Variants in WARS2 observed in about 807,000 individuals in gnomAD.
WARS2 encodes the protein tryptophanyl tRNA synthetase 2, mitochondrial.
Under a neutral mutation model 36.5 loss-of-function variants are expected in WARS2, and 28 were observed. The observed-to-expected ratio is 0.77, with a 90% CI of 0.57 to 1.05. WARS2 has a LOEUF of 1.05. Among genes scored for constraint, WARS2 ranks in the 50% least tolerant of loss-of-function variants. The pLI, the probability that WARS2 is intolerant of heterozygous loss-of-function variation, is 0.00. For synonymous variants in WARS2, 174 were observed against 178.4 expected (o/e 0.98, Z 0.20); for missense variants, 435 against 456.8 (o/e 0.95, Z 0.44).
intron 2 of WARS2, 89 bp downstream of exon 2, chr1:119,076,261 A>T (rs1174543284): frequency 7.4e-6 from 11 of 1,492,628 alleles, no homozygotes; most frequent in Non-Finnish European, 9.9e-6. Context: ...TTTAAAAATC[A>T]CGAGCAGGGG....
At chr1:119,089,511 G>A (rs753133903) in intron 1 of WARS2, among the ~76,000 whole-genome samples, 13 of 152,204 alleles carry the variant, frequency 8.5e-5, no homozygotes, top group Non-Finnish European at 1.8e-4. Flanking sequence ...ATGTGGCGTT[G>A]AACATGTACA....
intron 1 of WARS2, among the ~76,000 whole-genome samples, chr1:119,110,128 T>G (rs1280880578): frequency 6.6e-6 from 1 of 152,046 alleles, no homozygotes; most frequent in Non-Finnish European, 1.5e-5. Flanking sequence ...AATACATTGT[T>G]GCTATAATTA....
rs1402525506 is a variant in WARS2, at chr1:119,085,721, T to C, written c.91-9114A>G. 4 of 1,544,070 alleles carry C rather than the reference T, an allele frequency of 2.6e-6. No homozygotes were observed. The East Asian group carries it at 9.0e-5, about 35-fold the overall frequency. Reference sequence around the variant, plus strand: ...GGTCTTCATAGCAGAGGAAACAGAATCCTTTGGATTTCCCAGTCTTCTTGT... The same window carrying C: ...GGTCTTCATAGCAGAGGAAACAGAACCCTTTGGATTTCCCAGTCTTCTTGT... On this transcript the variant is annotated intron_variant, in intron 1 of 5. Coordinates refer to ENST00000235521, the MANE Select transcript of WARS2 (RefSeq NM_015836.4).
chr1:119,082,065 C>T (rs1347374768), intron 1 of WARS2, among the ~76,000 whole-genome samples: 1 of 152,014 alleles, frequency 6.6e-6, no homozygotes, highest in African/African-American at 2.4e-5. Context: ...AAAGAAGGTC[C>T]TACATCACCT....
At chr1:119,140,220 C>T (rs1301621012) in intron 1 of WARS2, 1 of 235,560 alleles carries the variant, frequency 4.2e-6, no homozygotes. Context: ...GAAGAGCAGT[C>T]TCTAAAACAA....
At chr1:119,070,535 G>A in intron 2 of WARS2, among the ~76,000 whole-genome samples, 1 of 151,930 alleles carries the variant, frequency 6.6e-6, no homozygotes, top group East Asian at 2.0e-4. Flanking sequence ...CCAAAGTGCT[G>A]GTATTACAGG....
intron 1 of WARS2, chr1:119,085,948 G>T (rs1021671829): frequency 1.2e-6 from 2 of 1,610,330 alleles, no homozygotes; most frequent in Middle Eastern, 4.5e-4. Flanking sequence ...TTAGTTAAAG[G>T]GTTCATCTCC....
chr1:119,133,350 T>C (rs1167962065), intron 1 of WARS2, among the ~76,000 whole-genome samples: 4 of 152,236 alleles, frequency 2.6e-5, no homozygotes, highest in African/African-American at 9.6e-5. Flanking sequence ...GTGACTTTCA[T>C]AGAACAGATT....
At chr1:119,044,061 C>T (rs1446003926) in intron 3 of WARS2, among the ~76,000 whole-genome samples, 2 of 152,170 alleles carry the variant, frequency 1.3e-5, no homozygotes, top group Non-Finnish European at 2.9e-5. Flanking sequence ...CTATAAGTCT[C>T]ACGAAGGGGG....
Position 119,033,089 on chromosome 1 carries a change from T to G in WARS2, c.905A>C (p.Tyr302Ser). 1 of 1,614,248 alleles carries G rather than the reference T, an allele frequency of 6.2e-7. No homozygotes were observed. Among genetic ancestry groups the G allele is most frequent in the East Asian group, 2.2e-5 (1 of 44,884 alleles). Residue 302 changes from tyrosine (Y) to serine (S), a missense_variant, in exon 6 of 6, where the codon TAC (tyrosine) becomes TCC (serine). Transcript: ENST00000235521. ...CACAGCATCTGCCACGGCCAGCTTG[T>G]AGCGAGCAGTGTTCATGCCCGCGCT... ...RRSAGMNTAR[Y>S]KLAVADAVIE... is the part of the protein sequence containing the mutation.
intron 1 of WARS2, among the ~76,000 whole-genome samples, chr1:119,123,038 C>T (rs1317965563): frequency 4.6e-5 from 7 of 152,104 alleles, no homozygotes; most frequent in African/African-American, 4.8e-5. Context: ...AATGCATATA[C>T]GCATTTTTCA....
chr1:119,098,254 A>G (rs1279412081), intron 1 of WARS2, among the ~76,000 whole-genome samples: 2 of 152,106 alleles, frequency 1.3e-5, no homozygotes, highest in African/African-American at 4.8e-5. Context: ...GTCTCAAAAC[A>G]AAACAAAACA....
At position 119,117,240 on chromosome 1, in the gene WARS2, C is replaced by T. The variant is rs1022010737; in HGVS notation, c.90+23315G>A. Among the ~76,000 whole-genome samples, 3 of 152,072 alleles carry T rather than the reference C, an allele frequency of 2.0e-5. No individual in the cohort carries two copies. In the South Asian group the frequency reaches 6.2e-4, roughly 32 times the overall value. ...GAACATAACTCAATGGGCCTGAGAA[C>T]CACCCCTCCATCCCCCATAGTGGCT... On this transcript the variant is annotated intron_variant, in intron 1 of 5. Coordinates refer to ENST00000235521, the MANE Select transcript of WARS2 (RefSeq NM_015836.4).
chr1:119,112,160 G>T (rs1300034691), intron 1 of WARS2, among the ~76,000 whole-genome samples: 1 of 152,224 alleles, frequency 6.6e-6, no homozygotes, highest in South Asian at 2.1e-4. Context: ...GACCTCAGGT[G>T]ATCTGGCCGC....
At chr1:119,059,833 G>T (rs1042424462) in intron 2 of WARS2, among the ~76,000 whole-genome samples, 1 of 152,160 alleles carries the variant, frequency 6.6e-6, no homozygotes, top group African/African-American at 2.4e-5. Context: ...ACTAACACAG[G>T]AACAGAAAGC....
chr1:119,129,448 C>T (rs1191351495), intron 1 of WARS2, among the ~76,000 whole-genome samples: 2 of 152,178 alleles, frequency 1.3e-5, no homozygotes, highest in African/African-American at 2.4e-5. Flanking sequence ...GTGGTTCACA[C>T]CTGTAATCTC....
At chr1:119,123,672 T>A (rs988932895) in intron 1 of WARS2, among the ~76,000 whole-genome samples, 1 of 152,174 alleles carries the variant, frequency 6.6e-6, no homozygotes, top group African/African-American at 2.4e-5. Flanking sequence ...TCCAGCATGT[T>A]ACCACTTCCT....
chr1:119,090,981 A>G (rs1653005496), intron 1 of WARS2, among the ~76,000 whole-genome samples: 1 of 152,190 alleles, frequency 6.6e-6, no homozygotes, highest in African/African-American at 2.4e-5. Context: ...TACTAACAGG[A>G]ATGTTGGTTA....
chr1:119,109,941 T>A (rs993917973), intron 1 of WARS2, among the ~76,000 whole-genome samples: 2 of 151,918 alleles, frequency 1.3e-5, no homozygotes, highest in African/African-American at 4.8e-5. Flanking sequence ...CTTTGCACCA[T>A]ACATTTACCA....
Sources: allele counts gnomAD v4.1 joint callset (sites outside exome capture counted in the v4.1 genomes callset), GRCh38; gene constraint gnomAD v4.1.1; transcripts MANE v1.5; gene names NCBI Gene and HGNC (gene_info 2026-07-23, HGNC 2026-07-21).